The following GRM8 variants were observed in gnomAD, a reference collection of about 807,000 sequenced individuals.
GRM8 encodes the protein glutamate metabotropic receptor 8.
GRM8 carries 47 observed loss-of-function variants against 87.2 expected under a neutral mutation model. That is an observed-to-expected ratio of 0.54 (90% CI 0.43 to 0.69). The LOEUF is 0.69. GRM8 is among the 30% of genes least tolerant of loss of function. The pLI is 0.00. For synonymous variants in GRM8, 396 were observed against 404.5 expected (o/e 0.98, Z 0.25); for missense variants, 1,019 against 1,139.2 (o/e 0.89, Z 1.52).
intron 3 of GRM8, among the ~76,000 whole-genome samples, chr7:127,038,103 C>T (rs1322153162): frequency 3.3e-5 from 5 of 152,044 alleles, no homozygotes; most frequent in African/African-American, 1.2e-4. Context: ...ATGTTGTTTT[C>T]TGTCAGTTGA....
intron 2 of GRM8, among the ~76,000 whole-genome samples, chr7:127,223,573 TTC>T (rs1197063771): frequency 6.6e-6 from 1 of 151,516 alleles, no homozygotes; most frequent in Non-Finnish European, 1.5e-5. Context: ...CCAGGATAGT[TTC>T]TGAGAGGCTG....
chr7:126,709,465 AAAAGAG>A (rs1585614964), intron 7 of GRM8, among the ~76,000 whole-genome samples: 1 of 151,590 alleles, frequency 6.6e-6, no homozygotes, highest in African/African-American at 2.4e-5. Flanking sequence ...AAGAGGACGA[AAAAGAG>A]GAAGAGGAAG....
intron 3 of GRM8, among the ~76,000 whole-genome samples, chr7:127,019,589 C>T (rs1816053175): frequency 6.6e-6 from 1 of 151,938 alleles, no homozygotes; most frequent in African/African-American, 2.4e-5. Context: ...TGCCATTTTG[C>T]AGGATATGTA....
chr7:126,744,095 C>A (rs973777039), intron 7 of GRM8, among the ~76,000 whole-genome samples: 1 of 151,880 alleles, frequency 6.6e-6, no homozygotes, highest in Non-Finnish European at 1.5e-5. Flanking sequence ...TTGATTAAAA[C>A]CTTGATGTGT....
At chr7:127,234,883 C>T (rs1797893645) in intron 2 of GRM8, among the ~76,000 whole-genome samples, 1 of 152,198 alleles carries the variant, frequency 6.6e-6, no homozygotes, top group African/African-American at 2.4e-5. Context: ...CAGGAAGACA[C>T]CTGTGTTAAA....
At chr7:127,150,035 A>G (rs144121111) in intron 2 of GRM8, among the ~76,000 whole-genome samples, 273 of 152,176 alleles carry the variant, frequency 1.8e-3, no homozygotes, top group African/African-American at 6.3e-3. Flanking sequence ...TCACCACAAA[A>G]ACAAAGGGTA....
In GRM8 at chr7:126,439,738, T is replaced by G. The variant is rs1801236741; in HGVS notation, c.2678-570A>C. ...TTACAAGAGATGACAGCTCCATGTG[T>G]GTTATTGCCCCTTAAGACCTTCCAG... On this transcript the variant is annotated intron_variant, in intron 10 of 10. Coordinates refer to ENST00000339582, the MANE Select transcript of GRM8 (RefSeq NM_000845.3). Among the ~76,000 whole-genome samples, 4 of 152,068 alleles carry G rather than the reference T, an allele frequency of 2.6e-5. No individual in the cohort carries two copies. In the South Asian group the frequency reaches 8.3e-4, roughly 32 times the overall value.
At chr7:127,102,342 T>C (rs1313704369) in intron 3 of GRM8, among the ~76,000 whole-genome samples, 1 of 152,164 alleles carries the variant, frequency 6.6e-6, no homozygotes, top group African/African-American at 2.4e-5. Context: ...CTAGAGATAT[T>C]TGCATAACTA....
chr7:127,083,162 CAAT>C (rs1480982745), intron 3 of GRM8, among the ~76,000 whole-genome samples: 3 of 152,184 alleles, frequency 2.0e-5, no homozygotes, highest in Non-Finnish European at 4.4e-5. Context: ...ACAAGGTACT[CAAT>C]AATATTTTTT....
chr7:126,729,331 C>T (rs1813350314), intron 7 of GRM8, among the ~76,000 whole-genome samples: 1 of 152,132 alleles, frequency 6.6e-6, no homozygotes, highest in African/African-American at 2.4e-5. Context: ...CTAAGCAGGA[C>T]AGAAGAGCCA....
chr7:126,629,774 A>T (rs1801071131), intron 7 of GRM8, among the ~76,000 whole-genome samples: 1 of 152,156 alleles, frequency 6.6e-6, no homozygotes, highest in Non-Finnish European at 1.5e-5. Context: ...CTATGTTACT[A>T]TGGTGATTTG....
At chr7:127,005,105 T>C (rs954160619) in intron 3 of GRM8, among the ~76,000 whole-genome samples, 3 of 144,638 alleles carry the variant, frequency 2.1e-5, no homozygotes, top group Non-Finnish European at 4.5e-5. Context: ...ATATTACAAC[T>C]TTACTGCTAG....
At chr7:126,483,008 C>A (rs933989594) in intron 9 of GRM8, among the ~76,000 whole-genome samples, 1 of 149,830 alleles carries the variant, frequency 6.7e-6, no homozygotes, top group African/African-American at 2.4e-5. Context: ...TATATCTTAT[C>A]CAAGATGTTT....
At chr7:126,604,990 A>T (rs1798203314) in intron 8 of GRM8, among the ~76,000 whole-genome samples, 1 of 152,192 alleles carries the variant, frequency 6.6e-6, no homozygotes, top group South Asian at 2.1e-4. Flanking sequence ...CCTTGATTAT[A>T]AAAAGAATAA....
rs999130285 is a variant in GRM8 at position 126,642,985 on chromosome 7, T to C, written c.1358-33487A>G. Among the ~76,000 whole-genome samples the C allele has an allele frequency of 3.9e-5, 6 of 152,164 alleles. 1 individual carries two copies. The highest frequency in any genetic ancestry group is 1.4e-4 in the African/African-American group (6 of 41,522). ...AGTGCTTAATAAATGTTAACTATCA[T>C]TGTTAGTAATAATGTTGGAAGCAGG... On this transcript the variant is annotated intron_variant, in intron 7 of 10. Coordinates refer to ENST00000339582, the MANE Select transcript of GRM8 (RefSeq NM_000845.3).
At chr7:126,574,154 C>T (rs1177984481) in intron 8 of GRM8, among the ~76,000 whole-genome samples, 2 of 152,116 alleles carry the variant, frequency 1.3e-5, no homozygotes, top group Non-Finnish European at 2.9e-5. Flanking sequence ...ACCCACCTAC[C>T]CTGGAGAAGA....
At chr7:127,189,091 T>C (rs1441583685) in intron 2 of GRM8, among the ~76,000 whole-genome samples, 1 of 152,202 alleles carries the variant, frequency 6.6e-6, no homozygotes, top group African/African-American at 2.4e-5. Flanking sequence ...CCCTCAGTGT[T>C]CTCTTTCCAG....
chr7:126,492,770 T>C (rs1360283948), intron 9 of GRM8, among the ~76,000 whole-genome samples: 1 of 152,088 alleles, frequency 6.6e-6, no homozygotes, highest in African/African-American at 2.4e-5. Flanking sequence ...TCCTTATATA[T>C]AGATTTCAAA....
intron 3 of GRM8, chr7:127,084,162 G>A (rs1021543281): frequency 2.0e-5 from 3 of 152,078 alleles, no homozygotes; most frequent in African/African-American, 7.2e-5. Flanking sequence ...CTTTTCCTTG[G>A]GAAGAGTTTT....
Sources: gnomAD v4.1 joint callset for allele counts (sites outside exome capture counted in the v4.1 genomes callset) on GRCh38, gnomAD v4.1.1 for gene constraint, MANE v1.5 for transcripts, NCBI Gene and HGNC (gene_info 2026-07-23, HGNC 2026-07-21) for gene names.